The following RHOU variants were observed in gnomAD, a reference collection of about 807,000 sequenced individuals.
The protein encoded by RHOU is ras homolog family member U.
A neutral mutation model predicts 12.6 loss-of-function variants in RHOU; 8 were observed. That is an observed-to-expected ratio of 0.64 (90% CI 0.37 to 1.15). The LOEUF is 1.15. Ranked by LOEUF, RHOU falls within the 50% of genes most tolerant of loss-of-function variation. The pLI, the probability that RHOU is intolerant of heterozygous loss-of-function variation, is 0.01. For synonymous variants in RHOU, 161 were observed against 147.4 expected, an observed-to-expected ratio of 1.09 and a Z score of -0.67; for missense variants, 258 against 347.0, an observed-to-expected ratio of 0.74 and a Z score of 2.04.
the RHOU span, among the ~76,000 whole-genome samples, chr1:228,713,974 T>C: frequency 1.3e-5 from 2 of 152,326 alleles, no homozygotes; most frequent in East Asian, 1.9e-4. Context: ...GATTGTAGTA[T>C]GAGAGTGGAG....
At chr1:228,668,152 C>T in the RHOU span, among the ~76,000 whole-genome samples, 5 of 152,208 alleles carry the variant, frequency 3.3e-5, no homozygotes, top group African/African-American at 9.7e-5. Context: ...GGTTAGTGGA[C>T]GCATCCACTT....
the RHOU span, among the ~76,000 whole-genome samples, chr1:228,719,717 A>G: frequency 6.6e-6 from 1 of 152,154 alleles, no homozygotes; most frequent in African/African-American, 2.4e-5. Context: ...GCGACAGAAC[A>G]TGACTCTGTC....
At chr1:228,672,349 ATTG>A in the RHOU span, among the ~76,000 whole-genome samples, 4 of 152,090 alleles carry the variant, frequency 2.6e-5, no homozygotes, top group African/African-American at 9.7e-5. Context: ...TTTTAGTAGA[ATTG>A]TTGTTTCAAC....
the RHOU span, among the ~76,000 whole-genome samples, chr1:228,721,780 C>T: frequency 2.0e-5 from 3 of 152,196 alleles, no homozygotes; most frequent in African/African-American, 7.2e-5. Context: ...CCTCCCTCAG[C>T]CTCCTAAGTA....
the RHOU span, among the ~76,000 whole-genome samples, chr1:228,695,674 G>T: frequency 6.6e-6 from 1 of 152,198 alleles, no homozygotes; most frequent in African/African-American, 2.4e-5. Context: ...TGTGAAGGGG[G>T]TGCAGGTATG....
the RHOU span, among the ~76,000 whole-genome samples, chr1:228,660,926 T>C: frequency 2.0e-4 from 22 of 111,942 alleles, no homozygotes; most frequent in Non-Finnish European, 3.1e-4. Flanking sequence ...AGAGCGAAAC[T>C]CTGTCTCAAA....
chr1:228,731,155 C>T (rs1662488611), upstream of RHOU, among the ~76,000 whole-genome samples: 1 of 152,058 alleles, frequency 6.6e-6, no homozygotes, highest in South Asian at 2.1e-4. Context: ...GGGATCCTCC[C>T]TTTTAGGGGA....
the RHOU span, among the ~76,000 whole-genome samples, chr1:228,647,107 C>A: frequency 3.3e-5 from 5 of 152,156 alleles, no homozygotes; most frequent in Non-Finnish European, 7.3e-5. Flanking sequence ...TAGGCAGCCC[C>A]CTTTTGAGCA....
upstream of RHOU, chr1:228,735,102 G>C (rs1662564446): frequency 1.3e-5 from 2 of 152,294 alleles, no homozygotes; most frequent in Non-Finnish European, 2.9e-5. The surrounding 1 kb of genome is among the most constrained non-coding windows in gnomAD (Gnocchi z 8.1). Context: ...AATAGGAGGC[G>C]GCTCAGGCTT....
chr1:228,653,653 A>G, the RHOU span, among the ~76,000 whole-genome samples: 3 of 151,832 alleles, frequency 2.0e-5, no homozygotes, highest in Non-Finnish European at 4.4e-5. Flanking sequence ...ATGGGGTTTC[A>G]CCATTTTAGC....
chr1:228,663,114 T>C, the RHOU span, among the ~76,000 whole-genome samples: 1 of 152,244 alleles, frequency 6.6e-6, no homozygotes, highest in Non-Finnish European at 1.5e-5. Flanking sequence ...TTGAAAATTA[T>C]GTGAAATTCA....
the RHOU span, among the ~76,000 whole-genome samples, chr1:228,646,835 C>T: frequency 6.6e-6 from 1 of 151,956 alleles, no homozygotes; most frequent in South Asian, 2.1e-4. Flanking sequence ...CACAGACACA[C>T]ACGGCTTGAA....
the RHOU span, chr1:228,650,667 C>T: frequency 2.1e-6 from 1 of 482,918 alleles, no homozygotes; most frequent in East Asian, 5.5e-5. Flanking sequence ...TCGTTTCACT[C>T]GTTTCAAAGT....
chr1:228,647,696 G>A, the RHOU span, among the ~76,000 whole-genome samples: 4 of 152,184 alleles, frequency 2.6e-5, no homozygotes, highest in African/African-American at 7.2e-5. Flanking sequence ...GTGATCTGAG[G>A]CGTGGTGTTT....
chr1:228,664,640 T>C, the RHOU span, among the ~76,000 whole-genome samples: 10 of 152,004 alleles, frequency 6.6e-5, no homozygotes, highest in Admixed American at 6.6e-4. Flanking sequence ...TTGCCAAGAT[T>C]GATTGATTTT....
At chr1:228,666,465 TATATA>T in the RHOU span, among the ~76,000 whole-genome samples, 2 of 152,202 alleles carry the variant, frequency 1.3e-5, no homozygotes, top group Non-Finnish European at 2.9e-5. Context: ...TGTTTGAAAC[TATATA>T]ATATATTATT....
intron 2 of RHOU, among the ~76,000 whole-genome samples, chr1:228,741,925 C>T (rs1047166682): frequency 1.3e-5 from 2 of 152,156 alleles, no homozygotes; most frequent in Admixed American, 6.5e-5. Context: ...GGTTGGCTGT[C>T]GTCCCGTAAT....
chr1:228,688,481 C>T, the RHOU span, among the ~76,000 whole-genome samples: 1 of 152,120 alleles, frequency 6.6e-6, no homozygotes, highest in South Asian at 2.1e-4. Context: ...CCATTTTGAC[C>T]TCCTTAGCAT....
the RHOU span, among the ~76,000 whole-genome samples, chr1:228,712,754 T>C: frequency 6.6e-6 from 1 of 151,158 alleles, no homozygotes; most frequent in Non-Finnish European, 1.5e-5. Context: ...GGCACATGCA[T>C]ACATATGTAA....
Sources: gnomAD v4.1 joint callset for allele counts (sites outside exome capture counted in the v4.1 genomes callset) on GRCh38, gnomAD v4.1.1 for gene constraint, Gnocchi (gnomAD v3.1) non-coding constraint, MANE v1.5 for transcripts, NCBI Gene and HGNC (gene_info 2026-07-23, HGNC 2026-07-21) for gene names.